PLPPR1: variants seen among roughly 807,000 people sequenced by gnomAD.
The protein encoded by PLPPR1 is phospholipid phosphatase related 1, also known as phospholipid phosphatase-related protein type 1.
In PLPPR1, 10 loss-of-function variants were observed where a neutral mutation model predicts 33.1. The observed-to-expected ratio is 0.30, with a 90% CI of 0.19 to 0.51. PLPPR1 has a LOEUF of 0.51. Ranked by LOEUF, PLPPR1 falls within the 20% of genes least tolerant of loss-of-function variation. PLPPR1 has a pLI of 0.97. For synonymous variants in PLPPR1, 151 were observed against 151.0 expected (o/e 1.00, Z 0.00); for missense variants, 304 against 408.1 (o/e 0.74, Z 2.20).
chr9:101,111,419 A>G (rs1380721060), intron 1 of PLPPR1, among the ~76,000 whole-genome samples: 1 of 152,202 alleles, frequency 6.6e-6, no homozygotes, highest in Non-Finnish European at 1.5e-5. Context: ...TAGAATTTAT[A>G]TGTAACTGAT....
chr9:101,046,591 C>T (rs1025227226), intron 1 of PLPPR1, among the ~76,000 whole-genome samples: 4 of 151,994 alleles, frequency 2.6e-5, no homozygotes, highest in Admixed American at 2.0e-4. Context: ...CTGCGTCTGC[C>T]ACCACGCCCA....
At chr9:101,209,806 C>T (rs777802776) in intron 2 of PLPPR1, among the ~76,000 whole-genome samples, 5 of 152,116 alleles carry the variant, frequency 3.3e-5, no homozygotes, top group African/African-American at 4.8e-5. Flanking sequence ...AATTTTTTAG[C>T]GAGAAGTTTT....
chr9:101,196,603 T>C (rs562182279), intron 2 of PLPPR1, among the ~76,000 whole-genome samples: 1 of 152,256 alleles, frequency 6.6e-6, no homozygotes, highest in Non-Finnish European at 1.5e-5. Flanking sequence ...GGCTCACGCC[T>C]GTAATCCCAG....
chr9:101,236,116 T>C (rs1478085580), intron 2 of PLPPR1, among the ~76,000 whole-genome samples: 1 of 151,762 alleles, frequency 6.6e-6, no homozygotes, highest in Non-Finnish European at 1.5e-5. Flanking sequence ...CTAGATTTAC[T>C]TGAATGCCTT....
At chr9:101,286,606 C>T (rs1365144953) in intron 4 of PLPPR1, among the ~76,000 whole-genome samples, 3 of 152,172 alleles carry the variant, frequency 2.0e-5, no homozygotes, top group Non-Finnish European at 2.9e-5. Flanking sequence ...TGACAGACTT[C>T]CCATCCAGTA....
chr9:101,269,323 A>G (rs1828053111), intron 2 of PLPPR1, among the ~76,000 whole-genome samples: 1 of 152,214 alleles, frequency 6.6e-6, no homozygotes, highest in Admixed American at 6.5e-5. Flanking sequence ...CTGATGTAGA[A>G]TACCTGCCAA....
At chr9:101,201,587 C>A (rs1415215543) in intron 2 of PLPPR1, among the ~76,000 whole-genome samples, 7 of 152,068 alleles carry the variant, frequency 4.6e-5, no homozygotes, top group African/African-American at 1.7e-4. Context: ...AATGATAATA[C>A]CTGCTTTACT....
intron 1 of PLPPR1, among the ~76,000 whole-genome samples, chr9:101,120,046 T>A (rs1390445041): frequency 6.6e-6 from 1 of 152,230 alleles, no homozygotes; most frequent in Non-Finnish European, 1.5e-5. Flanking sequence ...TTATTGGCTT[T>A]GCTTACTGGC....
chr9:101,131,009 TTTG>T (rs1159945644), intron 1 of PLPPR1, among the ~76,000 whole-genome samples: 1 of 152,112 alleles, frequency 6.6e-6, no homozygotes, highest in Non-Finnish European at 1.5e-5. Context: ...ACATCACAAA[TTTG>T]TTGTGAGAAT....
At chr9:101,037,438 G>A (rs78790860) in intron 1 of PLPPR1, among the ~76,000 whole-genome samples, 2,154 of 152,130 alleles carry the variant, frequency 0.014, 56 homozygotes, top group African/African-American at 0.048. Context: ...GCTCTCTGTC[G>A]AGGGGTTCTG....
At chr9:101,131,780 T>G (rs1831317240) in intron 1 of PLPPR1, 1 of 152,222 alleles carries the variant, frequency 6.6e-6, no homozygotes, top group African/African-American at 2.4e-5. Context: ...AAAGAAATTG[T>G]TTGTAAAGAG....
At chr9:101,157,268 T>C (rs1411084933) in intron 1 of PLPPR1, among the ~76,000 whole-genome samples, 1 of 152,178 alleles carries the variant, frequency 6.6e-6, no homozygotes, top group Non-Finnish European at 1.5e-5. Flanking sequence ...AGTGATTGAT[T>C]GGTCATGATC....
At position 101,286,098 on chromosome 9, in the gene PLPPR1, C is replaced by T. The variant is rs367855802; in HGVS notation, c.253-6C>T. On this transcript the variant is annotated splice_region_variant and splice_polypyrimidine_tract_variant and intron_variant, in intron 3 of 7. Coordinates refer to ENST00000374874, the MANE Select transcript of PLPPR1 (RefSeq NM_207299.2). Reference sequence around the variant, plus strand: ...ACTTGACATTTCTTAAACATTCCTTCCCTAGATTTTTATTGGTGAGATATC... The same window carrying T: ...ACTTGACATTTCTTAAACATTCCTTTCCTAGATTTTTATTGGTGAGATATC... The T allele has an allele frequency of 1.6e-5, 26 of 1,609,652 alleles. No individual in the cohort carries two copies. In the African/African-American group the frequency reaches 3.3e-4, roughly 21 times the overall value.
At chr9:101,073,037 A>G (rs564239624) in intron 1 of PLPPR1, among the ~76,000 whole-genome samples, 42 of 152,332 alleles carry the variant, frequency 2.8e-4, no homozygotes, top group Admixed American at 1.8e-3. Flanking sequence ...ACCCTGACAA[A>G]TGCAGAAAAT....
intron 1 of PLPPR1, among the ~76,000 whole-genome samples, chr9:101,162,415 A>C (rs1825777073): frequency 1.3e-5 from 2 of 152,228 alleles, no homozygotes; most frequent in Non-Finnish European, 2.9e-5. Flanking sequence ...GGTTAGAAAC[A>C]GTTTTGGCTC....
At chr9:101,181,606 G>GTA (rs1432170471) in intron 1 of PLPPR1, among the ~76,000 whole-genome samples, 3 of 113,516 alleles carry the variant, frequency 2.6e-5, no homozygotes, top group Non-Finnish European at 5.6e-5. Flanking sequence ...TTGGGTATAT[G>GTA]TATGTGTGTG....
At chr9:101,032,011 A>T (rs1426217313) in intron 1 of PLPPR1, among the ~76,000 whole-genome samples, 2 of 152,152 alleles carry the variant, frequency 1.3e-5, no homozygotes, top group African/African-American at 4.8e-5. Flanking sequence ...TTTCTCAGAG[A>T]GCTTGACATT....
chr9:101,057,356 G>A (rs1397955115), intron 1 of PLPPR1, among the ~76,000 whole-genome samples: 1 of 152,134 alleles, frequency 6.6e-6, no homozygotes, highest in African/African-American at 2.4e-5. Context: ...TGTACTGTAA[G>A]TAGCAATATC....
At chr9:101,248,992 G>A (rs1827664694) in intron 2 of PLPPR1, among the ~76,000 whole-genome samples, 2 of 152,014 alleles carry the variant, frequency 1.3e-5, no homozygotes, top group Admixed American at 1.3e-4. Flanking sequence ...AGATTAGAGG[G>A]TAAAAAACAA....
Sources: gnomAD v4.1 joint callset for allele counts (sites outside exome capture counted in the v4.1 genomes callset) on GRCh38, gnomAD v4.1.1 for gene constraint, MANE v1.5 for transcripts, NCBI Gene and HGNC (gene_info 2026-07-23, HGNC 2026-07-21) for gene names.